SEMA3A: variants seen among roughly 807,000 people sequenced by gnomAD.
SEMA3A encodes the protein semaphorin-3A.
A neutral mutation model predicts 97.9 loss-of-function variants in SEMA3A; 29 were observed. The ratio of observed to expected loss-of-function variants is 0.30; its 90% confidence interval spans 0.22 to 0.40. The LOEUF is 0.40. Ranked by LOEUF, SEMA3A falls within the 10% of genes least tolerant of loss-of-function variation. SEMA3A has a pLI of 1.00. For missense variants in SEMA3A, 763 were observed against 951.3 expected (o/e 0.80, Z 2.60); for synonymous variants, 321 against 323.7 (o/e 0.99, Z 0.09).
chr7:84,177,600 G>GA (rs1291960207), intron 1 of SEMA3A, among the ~76,000 whole-genome samples: 2 of 151,766 alleles, frequency 1.3e-5, no homozygotes, highest in African/African-American at 2.4e-5. Flanking sequence ...AGTATATTGA[G>GA]AAAAAAACCC....
At chr7:84,250,495 G>A (rs1490991589) in intron 3 of SEMA3A, among the ~76,000 whole-genome samples, 1 of 152,082 alleles carries the variant, frequency 6.6e-6, no homozygotes, top group Non-Finnish European at 1.5e-5. Flanking sequence ...ACTTGTTTGT[G>A]TTCATTGATT....
At chr7:83,963,066 T>A in intron 16 of SEMA3A, 139 bp downstream of exon 16, 1 of 893,904 alleles carries the variant, frequency 1.1e-6, no homozygotes, top group Admixed American at 2.0e-5. Flanking sequence ...TAAACACTTG[T>A]TCAATGAATG....
chr7:84,272,285 T>C (rs1281574945), intron 3 of SEMA3A, among the ~76,000 whole-genome samples: 1 of 152,098 alleles, frequency 6.6e-6, no homozygotes, highest in Non-Finnish European at 1.5e-5. Flanking sequence ...CTGCTGATTT[T>C]GTAGACTTTG....
At chr7:84,142,978 CT>C (rs1796339695) in intron 1 of SEMA3A, among the ~76,000 whole-genome samples, 1 of 125,952 alleles carries the variant, frequency 7.9e-6, no homozygotes, top group African/African-American at 4.2e-5. Flanking sequence ...CCAGACCCTT[CT>C]TCATCATTCA....
intron 2 of SEMA3A, among the ~76,000 whole-genome samples, chr7:84,346,267 G>C (rs569880119): frequency 2.6e-5 from 4 of 152,128 alleles, no homozygotes; most frequent in Non-Finnish European, 5.9e-5. Context: ...CTTCTATCCA[G>C]ACCACTAAAA....
At chr7:84,421,969 T>G (rs1439107205) in intron 1 of SEMA3A, among the ~76,000 whole-genome samples, 1 of 152,118 alleles carries the variant, frequency 6.6e-6, no homozygotes, top group Non-Finnish European at 1.5e-5. Flanking sequence ...GATATTGGCC[T>G]GACATTTTCT....
chr7:84,047,821 C>A (rs763839933), intron 5 of SEMA3A, among the ~76,000 whole-genome samples: 15 of 151,852 alleles, frequency 9.9e-5, no homozygotes, highest in Non-Finnish European at 2.1e-4. Flanking sequence ...TGTTCACGTA[C>A]CTAATTCTTA....
chr7:83,994,021 ATTC>A (rs905312836), intron 12 of SEMA3A, among the ~76,000 whole-genome samples: 1 of 145,084 alleles, frequency 6.9e-6, no homozygotes, highest in African/African-American at 2.6e-5. Flanking sequence ...ATTTCTTTTT[ATTC>A]TTTTTTCTCT....
intron 1 of SEMA3A, among the ~76,000 whole-genome samples, chr7:84,142,231 A>T (rs1796317562): frequency 6.6e-6 from 1 of 152,230 alleles, no homozygotes; most frequent in East Asian, 1.9e-4. Context: ...AAACACATTT[A>T]GTCCATATTA....
chr7:84,486,734 G>T (rs1366448029), intron 1 of SEMA3A, among the ~76,000 whole-genome samples: 1 of 152,106 alleles, frequency 6.6e-6, no homozygotes, highest in Non-Finnish European at 1.5e-5. Flanking sequence ...TTTTGGATTT[G>T]TGAGTTAGCC....
At chr7:84,351,168 C>T (rs1802429379) in intron 2 of SEMA3A, among the ~76,000 whole-genome samples, 1 of 151,892 alleles carries the variant, frequency 6.6e-6, no homozygotes, top group Non-Finnish European at 1.5e-5. Flanking sequence ...AAAATTCATT[C>T]ATCGTGCTTA....
At chr7:84,411,702 C>A (rs1001913378) in intron 1 of SEMA3A, among the ~76,000 whole-genome samples, 1 of 151,842 alleles carries the variant, frequency 6.6e-6, no homozygotes, top group African/African-American at 2.4e-5. Context: ...CTTTTCCTTA[C>A]GTATGTTGAG....
rs144824292 is a variant in SEMA3A at position 84,339,042 on chromosome 7, T to C, written c.-168-31750A>G. On this transcript the variant is annotated intron_variant, in intron 2 of 3. Transcript: ENST00000424555. ...AGGTTCCATTCTCCAATTTGGTATATATATATCCCATATATTGCATCTGTA... is the reference window on the plus strand; with the variant it reads ...AGGTTCCATTCTCCAATTTGGTATACATATATCCCATATATTGCATCTGTA... 3.8e-3 allele frequency among the ~76,000 whole-genome samples: 573 copies of C among 152,300 alleles called. 4 individuals carry two copies. Among genetic ancestry groups the C allele is most frequent in the South Asian group, 0.013 (61 of 4,832 alleles).
At chr7:84,272,466 G>GA (rs933591589) in intron 3 of SEMA3A, among the ~76,000 whole-genome samples, 6 of 152,004 alleles carry the variant, frequency 3.9e-5, no homozygotes, top group African/African-American at 1.2e-4. Context: ...TGAAGTAATA[G>GA]AAAAAAATTT....
At chr7:84,406,512 C>T (rs1448134464) in intron 1 of SEMA3A, among the ~76,000 whole-genome samples, 2 of 152,146 alleles carry the variant, frequency 1.3e-5, no homozygotes, top group Non-Finnish European at 2.9e-5. Context: ...CTATTCCAAT[C>T]AACAGAAAAA....
At chr7:84,034,400 A>G (rs953252899) in intron 6 of SEMA3A, among the ~76,000 whole-genome samples, 3 of 152,202 alleles carry the variant, frequency 2.0e-5, no homozygotes, top group Non-Finnish European at 4.4e-5. Flanking sequence ...GATAAAATTA[A>G]TTTCATAAAA....
intron 3 of SEMA3A, among the ~76,000 whole-genome samples, chr7:84,223,679 A>T (rs1458452950): frequency 3.3e-5 from 5 of 151,848 alleles, no homozygotes; most frequent in Non-Finnish European, 7.4e-5. Context: ...CTTTATATGT[A>T]TTTGAAAAAC....
intron 1 of SEMA3A, among the ~76,000 whole-genome samples, chr7:84,163,862 T>A (rs973045264): frequency 6.9e-6 from 1 of 145,120 alleles, no homozygotes; most frequent in Non-Finnish European, 1.5e-5. Flanking sequence ...TTTTTTTTTT[T>A]AAGAAGGAGT....
intron 1 of SEMA3A, among the ~76,000 whole-genome samples, chr7:84,442,296 A>G (rs1805291113): frequency 6.6e-6 from 1 of 152,168 alleles, no homozygotes; most frequent in Admixed American, 6.5e-5. Context: ...ACAATGTATA[A>G]AGATGTTAAT....
Sources: gnomAD v4.1 joint callset for allele counts (sites outside exome capture counted in the v4.1 genomes callset) on GRCh38, gnomAD v4.1.1 for gene constraint, MANE v1.5 for transcripts, NCBI Gene and HGNC (gene_info 2026-07-23, HGNC 2026-07-21) for gene names.